Variants in SLC44A5 observed in about 807,000 individuals in gnomAD.
SLC44A5 encodes the protein solute carrier family 44 member 5.
A neutral mutation model predicts 101.8 loss-of-function variants in SLC44A5; 57 were observed. The observed-to-expected ratio is 0.56, with a 90% CI of 0.45 to 0.70. The LOEUF is 0.70. SLC44A5 is among the 30% of genes least tolerant of loss of function. The probability of loss-of-function intolerance (pLI) is 0.00; values close to 1 mark genes in which losing one functional copy is unlikely to be tolerated. For synonymous variants in SLC44A5, 281 were observed against 290.9 expected, an observed-to-expected ratio of 0.97 and a Z score of 0.35; for missense variants, 737 against 853.1, an observed-to-expected ratio of 0.86 and a Z score of 1.70.
rs559622570 is a variant in SLC44A5, at chr1:75,356,606, A to C, written c.53-16976T>G. Among the ~76,000 whole-genome samples the C allele has an allele frequency of 3.3e-5, 5 of 152,258 alleles. No homozygotes were observed. The South Asian group carries it at 1.0e-3, about 32-fold the overall frequency. Reference sequence around the variant, plus strand: ...TATTATATATTATACATTTTTAATAAATTTAGTGTAAACTAAATACACAGT... The same window carrying C: ...TATTATATATTATACATTTTTAATACATTTAGTGTAAACTAAATACACAGT... On this transcript the variant is annotated intron_variant, in intron 3 of 23. Coordinates refer to ENST00000370859, the MANE Select transcript of SLC44A5 (RefSeq NM_001130058.2).
chr1:75,607,850 C>G (rs1029784985), intron 1 of SLC44A5, among the ~76,000 whole-genome samples: 1 of 152,006 alleles, frequency 6.6e-6, no homozygotes, highest in Non-Finnish European at 1.5e-5. Flanking sequence ...AAACCTCTTT[C>G]CTTTATAAGT....
intron 2 of SLC44A5, among the ~76,000 whole-genome samples, chr1:75,516,423 A>G (rs984689887): frequency 1.3e-5 from 2 of 152,152 alleles, no homozygotes; most frequent in Admixed American, 6.5e-5. Context: ...AGGCTGAGGC[A>G]GGAGAATGGC....
intron 6 of SLC44A5, among the ~76,000 whole-genome samples, chr1:75,268,626 T>A (rs1227162041): frequency 6.6e-6 from 1 of 152,162 alleles, no homozygotes; most frequent in African/African-American, 2.4e-5. Context: ...ACTGTAAGCA[T>A]ATGTATATCC....
At chr1:75,219,195 A>C (rs1188472570) in intron 16 of SLC44A5, 62 bp downstream of exon 16, 1 of 1,177,072 alleles carries the variant, frequency 8.5e-7, no homozygotes, top group Non-Finnish European at 1.3e-6. Flanking sequence ...CCACAACTAC[A>C]AAATGAATTG....
chr1:75,267,448 T>G (rs1238328443), intron 6 of SLC44A5, among the ~76,000 whole-genome samples: 2 of 152,198 alleles, frequency 1.3e-5, no homozygotes, highest in Non-Finnish European at 1.5e-5. Context: ...GTGATACACA[T>G]TTTTGGTAGA....
the SLC44A5 span, among the ~76,000 whole-genome samples, chr1:75,621,047 T>C: frequency 6.6e-6 from 1 of 152,190 alleles, no homozygotes; most frequent in South Asian, 2.1e-4. Context: ...CAGTTTTCTG[T>C]ATATGGATAG....
intron 2 of SLC44A5, among the ~76,000 whole-genome samples, chr1:75,412,558 A>T (rs80337562): frequency 0.084 from 12,756 of 152,186 alleles, 769 homozygotes; most frequent in Admixed American, 0.18. Flanking sequence ...GACCACGAAC[A>T]GGAGGTGTAT....
At chr1:75,300,834 T>C (rs1654400063) in intron 4 of SLC44A5, 149 bp from the exon 5 acceptor site, 1 of 492,412 alleles carries the variant, frequency 2.0e-6, no homozygotes, top group Non-Finnish European at 3.4e-6. Context: ...GAAAGGTAGA[T>C]CAGATGTATT....
At chr1:75,569,106 C>T (rs187669061) in intron 1 of SLC44A5, among the ~76,000 whole-genome samples, 52 of 152,222 alleles carry the variant, frequency 3.4e-4, no homozygotes, top group Non-Finnish European at 6.2e-4. Context: ...AACGTCCAGC[C>T]CCATCACTTT....
chr1:75,659,455 A>AGGGAG, the SLC44A5 span, among the ~76,000 whole-genome samples: 54 of 78,128 alleles, frequency 6.9e-4, 3 homozygotes, highest in Middle Eastern at 5.3e-3. Flanking sequence ...GAAGGAAGGA[A>AGGGAG]GGAAGGAAGG....
the SLC44A5 span, among the ~76,000 whole-genome samples, chr1:75,644,013 G>T: frequency 6.6e-6 from 1 of 152,306 alleles, no homozygotes; most frequent in South Asian, 2.1e-4. Flanking sequence ...ATGATAGACA[G>T]TTCTCAGTTA....
chr1:75,385,872 G>C (rs1232846537), intron 3 of SLC44A5, among the ~76,000 whole-genome samples: 1 of 152,002 alleles, frequency 6.6e-6, no homozygotes, highest in Non-Finnish European at 1.5e-5. Flanking sequence ...GATCAAATCG[G>C]CTTCATCCCT....
the SLC44A5 span, among the ~76,000 whole-genome samples, chr1:75,716,365 G>A: frequency 6.6e-6 from 1 of 152,100 alleles, no homozygotes; most frequent in African/African-American, 2.4e-5. Context: ...CAGCCACTTG[G>A]GAGGCTGAGG....
chr1:75,436,591 A>C (rs995967722), intron 2 of SLC44A5, among the ~76,000 whole-genome samples: 4 of 152,134 alleles, frequency 2.6e-5, no homozygotes, highest in Non-Finnish European at 5.9e-5. Flanking sequence ...AAGGCCTAGG[A>C]CATTACTGTA....
intron 4 of SLC44A5, among the ~76,000 whole-genome samples, chr1:75,326,568 C>G (rs561735830): frequency 9.8e-4 from 149 of 152,250 alleles, no homozygotes; most frequent in African/African-American, 3.5e-3. Context: ...AATCAATAAA[C>G]AGCACACCAA....
the SLC44A5 span, among the ~76,000 whole-genome samples, chr1:75,712,331 A>T: frequency 6.6e-6 from 1 of 152,246 alleles, no homozygotes; most frequent in African/African-American, 2.4e-5. Flanking sequence ...TTCCAAGGTG[A>T]CATACCTCCT....
intron 2 of SLC44A5, among the ~76,000 whole-genome samples, chr1:75,530,954 G>A (rs189956079): frequency 6.6e-6 from 1 of 152,234 alleles, no homozygotes; most frequent in African/African-American, 2.4e-5. Flanking sequence ...GAAGTTTAAT[G>A]GATATTAAAG....
intron 2 of SLC44A5, among the ~76,000 whole-genome samples, chr1:75,511,130 G>A (rs564031256): frequency 3.3e-5 from 5 of 152,156 alleles, no homozygotes; most frequent in African/African-American, 1.2e-4. Flanking sequence ...GCGACGGAGC[G>A]AGACTCCGTC....
intron 3 of SLC44A5, among the ~76,000 whole-genome samples, chr1:75,373,993 G>T (rs1293061844): frequency 6.6e-6 from 1 of 152,152 alleles, no homozygotes. Flanking sequence ...ATGGGAGCTG[G>T]TCATCCCTCC....
Sources: allele counts gnomAD v4.1 joint callset (sites outside exome capture counted in the v4.1 genomes callset), GRCh38; gene constraint gnomAD v4.1.1; transcripts MANE v1.5; gene names NCBI Gene and HGNC (gene_info 2026-07-23, HGNC 2026-07-21).